Variants in CSMD1 observed in about 807,000 individuals in gnomAD.
The protein encoded by CSMD1 is CUB and sushi domain-containing protein 1.
In CSMD1, 213 loss-of-function variants were observed where a neutral mutation model predicts 417.5. The observed-to-expected ratio is 0.51, with a 90% CI of 0.46 to 0.57. The LOEUF is 0.57. CSMD1 is among the 20% of genes least tolerant of loss of function. The probability of loss-of-function intolerance (pLI) is 0.00; values close to 1 mark genes in which losing one functional copy is unlikely to be tolerated. For synonymous variants in CSMD1, 2,862 were observed against 1,736.8 expected (o/e 1.65, Z -16.11); for missense variants, 6,923 against 4,529.7 (o/e 1.53, Z -15.17).
At chr8:4,247,309 C>G (rs1002723539) in intron 3 of CSMD1, among the ~76,000 whole-genome samples, 2 of 152,154 alleles carry the variant, frequency 1.3e-5, no homozygotes, top group Non-Finnish European at 2.9e-5. Context: ...ATTGTCTTCT[C>G]TACCACACTG....
chr8:4,301,393 T>C (rs933189075), intron 3 of CSMD1, among the ~76,000 whole-genome samples: 1 of 152,214 alleles, frequency 6.6e-6, no homozygotes, highest in Non-Finnish European at 1.5e-5. Flanking sequence ...GCTTTGATTC[T>C]GTTGTGTCTC....
intron 2 of CSMD1, among the ~76,000 whole-genome samples, chr8:4,566,083 T>A (rs1164675841): frequency 6.6e-6 from 1 of 152,120 alleles, no homozygotes; most frequent in Admixed American, 6.6e-5. Context: ...CTGTTCTTCC[T>A]CAATGCAGTT....
chr8:4,441,754 G>T (rs1798495988), intron 2 of CSMD1, among the ~76,000 whole-genome samples: 1 of 152,064 alleles, frequency 6.6e-6, no homozygotes, highest in Non-Finnish European at 1.5e-5. Context: ...ATATTGCATT[G>T]CAGTCCATTT....
At chr8:4,383,755 C>T (rs774662957) in intron 3 of CSMD1, among the ~76,000 whole-genome samples, 46 of 150,004 alleles carry the variant, frequency 3.1e-4, no homozygotes, top group Non-Finnish European at 4.9e-4. Context: ...AAAAAATTTC[C>T]TTTTCTATCA....
rs1809194216 is a variant in CSMD1 at position 4,957,452 on chromosome 8, T to G, written c.85+36880A>C. On this transcript the variant is annotated intron_variant, in intron 1 of 69. Coordinates refer to ENST00000635120, the MANE Select transcript of CSMD1 (RefSeq NM_033225.6). Reference sequence around the variant, plus strand: ...TAACAGGCGCTTTCTTCTTTTTGCCTAAGTTCTCTTGATCATTTCAGGGAA... The same window carrying G: ...TAACAGGCGCTTTCTTCTTTTTGCCGAAGTTCTCTTGATCATTTCAGGGAA... Among the ~76,000 whole-genome samples, 3 of 152,228 alleles carry G rather than the reference T, an allele frequency of 2.0e-5. No individual in the cohort carries two copies. In the South Asian group the frequency reaches 6.2e-4, roughly 31 times the overall value.
intron 2 of CSMD1, among the ~76,000 whole-genome samples, chr8:4,444,306 G>A (rs934009846): frequency 1.1e-4 from 13 of 123,232 alleles, no homozygotes; most frequent in Middle Eastern, 7.1e-3. Context: ...GAGATCTCGC[G>A]ACTTCACTCA....
intron 2 of CSMD1, among the ~76,000 whole-genome samples, chr8:4,479,991 AC>A (rs1397067907): frequency 4.6e-5 from 7 of 151,756 alleles, no homozygotes; most frequent in African/African-American, 1.7e-4. Context: ...TAAAAAGTCA[AC>A]AAAAAAAAGC....
intron 2 of CSMD1, among the ~76,000 whole-genome samples, chr8:4,628,279 T>C (rs1277095461): frequency 6.6e-6 from 1 of 151,368 alleles, no homozygotes; most frequent in Non-Finnish European, 1.5e-5. Flanking sequence ...CTTGTAAATA[T>C]TTTAACTTAA....
intron 12 of CSMD1, among the ~76,000 whole-genome samples, chr8:3,464,334 T>C (rs1264725866): frequency 2.0e-5 from 3 of 152,124 alleles, no homozygotes; most frequent in Admixed American, 6.6e-5. Flanking sequence ...AGGGATCAAG[T>C]TTGCTTCTTG....
Position 4,166,075 on chromosome 8 carries a change from G to C in CSMD1, c.416-133976C>G, listed in dbSNP as rs142407567. On this transcript the variant is annotated intron_variant, in intron 3 of 69. Coordinates refer to ENST00000635120, the MANE Select transcript of CSMD1 (RefSeq NM_033225.6). ...CTTTAATAAGTGAATTCCCAATCTT[G>C]CATTAATTACATTCTTAATGATGAG... Among the ~76,000 whole-genome samples, 159 of 152,178 alleles carry C rather than the reference G, an allele frequency of 1.0e-3. 1 individual carries two copies. The highest frequency in any genetic ancestry group is 3.7e-3 in the African/African-American group (153 of 41,526).
chr8:3,458,107 G>A (rs902976564), intron 12 of CSMD1, among the ~76,000 whole-genome samples: 10 of 152,106 alleles, frequency 6.6e-5, no homozygotes, highest in African/African-American at 2.4e-4. Context: ...GCCCCGCAGC[G>A]CTTAACCTCC....
intron 12 of CSMD1, among the ~76,000 whole-genome samples, chr8:3,425,362 C>T (rs1448959080): frequency 1.3e-5 from 2 of 151,830 alleles, no homozygotes; most frequent in African/African-American, 4.8e-5. Context: ...GGCTGAGGTG[C>T]GTGGATCACG....
intron 6 of CSMD1, among the ~76,000 whole-genome samples, chr8:3,725,743 G>A (rs777009398): frequency 6.6e-6 from 1 of 152,166 alleles, no homozygotes; most frequent in Non-Finnish European, 1.5e-5. Context: ...CTGCTGTGTT[G>A]TTAGTGAGGG....
intron 10 of CSMD1, among the ~76,000 whole-genome samples, chr8:3,534,616 G>C (rs1290284559): frequency 6.6e-6 from 1 of 151,500 alleles, no homozygotes; most frequent in African/African-American, 2.4e-5. Flanking sequence ...GGGCTTTTCT[G>C]CTAGATGTCA....
chr8:3,578,017 GT>G (rs1464782342), intron 9 of CSMD1, among the ~76,000 whole-genome samples: 3 of 152,102 alleles, frequency 2.0e-5, no homozygotes, highest in Non-Finnish European at 4.4e-5. Flanking sequence ...TCCCCTAGCT[GT>G]CCTGCAGCTC....
At chr8:3,341,428 A>G (rs144708962) in intron 23 of CSMD1, among the ~76,000 whole-genome samples, 1 of 152,238 alleles carries the variant, frequency 6.6e-6, no homozygotes, top group African/African-American at 2.4e-5. Context: ...AAGTGTTTAC[A>G]AATGAGAAAT....
chr8:4,370,052 T>G (rs1054381017), intron 3 of CSMD1, among the ~76,000 whole-genome samples: 2 of 152,176 alleles, frequency 1.3e-5, no homozygotes, highest in African/African-American at 2.4e-5. Context: ...CAATGAGGTA[T>G]GTGCTTCAGT....
intron 3 of CSMD1, among the ~76,000 whole-genome samples, chr8:4,122,548 C>A (rs1421224064): frequency 5.3e-5 from 8 of 152,144 alleles, no homozygotes; most frequent in African/African-American, 1.9e-4. Context: ...CTGCCAGTCA[C>A]CCCGTGCTTT....
intron 11 of CSMD1, among the ~76,000 whole-genome samples, chr8:3,490,421 C>A (rs1031276286): frequency 6.6e-6 from 1 of 152,160 alleles, no homozygotes; most frequent in Non-Finnish European, 1.5e-5. Flanking sequence ...TTTCATAAGG[C>A]ATTACCTGCC....
Sources: allele counts gnomAD v4.1 joint callset (sites outside exome capture counted in the v4.1 genomes callset), GRCh38; gene constraint gnomAD v4.1.1; transcripts MANE v1.5; gene names NCBI Gene and HGNC (gene_info 2026-07-23, HGNC 2026-07-21).